Variants in HDHD2 observed in about 807,000 individuals in gnomAD.
HDHD2 encodes the protein haloacid dehalogenase-like hydrolase domain-containing protein 2.
Under a neutral mutation model 24.8 loss-of-function variants are expected in HDHD2, and 26 were observed. The ratio of observed to expected loss-of-function variants is 1.05; its 90% CI spans 0.77 to 1.45. The LOEUF (loss-of-function observed/expected upper bound fraction) is 1.45. Ranked by LOEUF, HDHD2 falls within the 40% of genes most tolerant of loss-of-function variation. The pLI, the probability that HDHD2 is intolerant of heterozygous loss-of-function variation, is 0.00. For synonymous variants in HDHD2, 128 were observed against 114.9 expected (o/e 1.11, Z -0.73); for missense variants, 299 against 313.4 (o/e 0.95, Z 0.35).
At chr18:47,113,750 G>GT (rs926241215) in intron 5 of HDHD2, among the ~76,000 whole-genome samples, 92 of 147,528 alleles carry the variant, frequency 6.2e-4, no homozygotes, top group African/African-American at 1.2e-3. Flanking sequence ...CCTGAAGAAA[G>GT]TTTTTTTTTT....
intron 4 of HDHD2, among the ~76,000 whole-genome samples, chr18:47,119,046 G>C (rs1413161859): frequency 1.3e-5 from 2 of 152,222 alleles, no homozygotes; most frequent in African/African-American, 4.8e-5. Flanking sequence ...AAGTATGTGT[G>C]TTAATTTAAA....
chr18:47,119,303 C>G (rs537011966), intron 4 of HDHD2, among the ~76,000 whole-genome samples: 1 of 152,304 alleles, frequency 6.6e-6, no homozygotes, highest in South Asian at 2.1e-4. Flanking sequence ...GTATTCACAA[C>G]AGAAACTCTT....
At chr18:47,111,621 C>T (rs1225058949) in intron 6 of HDHD2, 5 of 985,134 alleles carry the variant, frequency 5.1e-6, no homozygotes, top group South Asian at 4.7e-5. Flanking sequence ...CTGAGACATT[C>T]GAAAAAATCC....
intron 3 of HDHD2, among the ~76,000 whole-genome samples, chr18:47,131,347 C>G (rs1599946567): frequency 6.6e-6 from 1 of 152,196 alleles, no homozygotes; most frequent in Non-Finnish European, 1.5e-5. Flanking sequence ...CTATTTGCCT[C>G]TCTTATTGGC....
intron 3 of HDHD2, among the ~76,000 whole-genome samples, chr18:47,132,395 G>A (rs1206965927): frequency 6.6e-6 from 1 of 152,142 alleles, no homozygotes; most frequent in Non-Finnish European, 1.5e-5. Context: ...AAATAAGGTA[G>A]TAATGAATAA....
intron 2 of HDHD2, among the ~76,000 whole-genome samples, chr18:47,135,322 C>G (rs984153896): frequency 1.4e-5 from 2 of 145,382 alleles, no homozygotes; most frequent in Non-Finnish European, 3.0e-5. Context: ...AGTGCAATGG[C>G]ACGATCTCAG....
chr18:47,147,422 C>A (rs1306342492), intron 1 of HDHD2, among the ~76,000 whole-genome samples: 1 of 152,128 alleles, frequency 6.6e-6, no homozygotes, highest in African/African-American at 2.4e-5. Flanking sequence ...CATCAAAAGA[C>A]TAGACCGTTC....
intron 6 of HDHD2, among the ~76,000 whole-genome samples, 199 bp downstream of exon 6, chr18:47,112,778 A>G (rs2063525593): frequency 6.6e-6 from 1 of 152,200 alleles, no homozygotes; most frequent in Admixed American, 6.5e-5. Context: ...AGTACCTCTG[A>G]GCCCTGATCT....
chr18:47,124,706 CAAAAAAAAA>C (rs34350751), intron 4 of HDHD2, among the ~76,000 whole-genome samples: 1 of 43,370 alleles, frequency 2.3e-5, no homozygotes, highest in African/African-American at 9.9e-5. Flanking sequence ...AACTCTGACT[CAAAAAAAAA>C]AAAAAAAAAA....
chr18:47,129,870 T>TG (rs2063696188), intron 4 of HDHD2, among the ~76,000 whole-genome samples: 1 of 152,130 alleles, frequency 6.6e-6, no homozygotes, highest in South Asian at 2.1e-4. Flanking sequence ...GCCCAAGAGT[T>TG]GGAGACCTCC....
chr18:47,114,664 T>G (rs2063542973), intron 5 of HDHD2, among the ~76,000 whole-genome samples: 1 of 152,072 alleles, frequency 6.6e-6, no homozygotes, highest in Admixed American at 6.5e-5. Context: ...GATCAATAGC[T>G]TTAGCTATTT....
At chr18:47,115,041 A>T (rs1011798148) in intron 5 of HDHD2, 91 bp downstream of exon 5, 1 of 859,952 alleles carries the variant, frequency 1.2e-6, no homozygotes, top group African/African-American at 1.7e-5. Flanking sequence ...TGTCAGTAAC[A>T]GAATGTCCCC....
rs756252747 is a variant in HDHD2 at position 47,108,747 on chromosome 18, G to C, written c.715C>G (p.Pro239Ala). ...RASDEEKINP[P>A]PYLTCESFPH... is the part of the protein sequence containing the mutation. ...AAACTCTCACAAGTTAAGTAAGGAG[G>C]TGGATTAATTTTTTCTTCATCTGAT... Residue 239 changes from proline (P) to alanine (A), a missense_variant, in exon 7 of 7, where the codon CCT (proline) becomes GCT (alanine). Coordinates refer to ENST00000300605, the MANE Select transcript of HDHD2 (RefSeq NM_032124.5). 6.2e-7 allele frequency: 1 copy of C among 1,611,302 alleles called. No homozygotes were observed. Among genetic ancestry groups the C allele is most frequent in the Non-Finnish European group, 8.5e-7 (1 of 1,177,924 alleles).
At position 47,131,568 on chromosome 18, in the gene HDHD2, G is replaced by A. The variant is rs560972512; in HGVS notation, c.311-1240C>T. Reference sequence around the variant, plus strand: ...GTCATTACTTTAGGCTTTTCCAGTGGAAGATTACATAATATGTATTATTTA... The same window carrying A: ...GTCATTACTTTAGGCTTTTCCAGTGAAAGATTACATAATATGTATTATTTA... On this transcript the variant is annotated intron_variant, in intron 3 of 6. Coordinates refer to ENST00000300605, the MANE Select transcript of HDHD2 (RefSeq NM_032124.5). 9.7e-4 allele frequency among the ~76,000 whole-genome samples: 148 copies of A among 152,238 alleles called. 1 individual carries two copies. The highest frequency in any genetic ancestry group is 3.4e-3 in the African/African-American group (142 of 41,546).
At chr18:47,132,652 T>C (rs2063724058) in intron 3 of HDHD2, among the ~76,000 whole-genome samples, 1 of 152,246 alleles carries the variant, frequency 6.6e-6, no homozygotes, top group East Asian at 1.9e-4. Context: ...CTATTAGTAC[T>C]AGTTTTGAGG....
intron 4 of HDHD2, among the ~76,000 whole-genome samples, chr18:47,128,184 T>C (rs560580311): frequency 5.3e-4 from 80 of 152,320 alleles, no homozygotes; most frequent in African/African-American, 1.8e-3. Context: ...GTTAGGAAAG[T>C]GTACTAATTA....
At position 47,125,002 on chromosome 18, in the gene HDHD2, C is replaced by T. The variant is rs954107957; in HGVS notation, c.395+5242G>A. Among the ~76,000 whole-genome samples the T allele has an allele frequency of 5.3e-5, 8 of 151,914 alleles. No homozygotes were observed. In the South Asian group the frequency reaches 8.3e-4, roughly 16 times the overall value. On this transcript the variant is annotated intron_variant, in intron 4 of 6. Transcript: ENST00000300605. ...ACACAGCAAAACCCCACTACAAAAA[C>T]GAATTAAAAATTAGCCAGGTGTAGT...
chr18:47,135,032 A>AT (rs59078935), intron 2 of HDHD2, among the ~76,000 whole-genome samples: 31 of 150,372 alleles, frequency 2.1e-4, no homozygotes, highest in Non-Finnish European at 3.3e-4. Context: ...CGTGCAACAG[A>AT]TTTTTTTTTT....
chr18:47,113,919 A>G (rs951378300), intron 5 of HDHD2, among the ~76,000 whole-genome samples: 2 of 152,104 alleles, frequency 1.3e-5, no homozygotes, highest in Non-Finnish European at 2.9e-5. Flanking sequence ...GGAGGTGGGA[A>G]AAAGAATGTG....
Sources: allele counts gnomAD v4.1 joint callset (sites outside exome capture counted in the v4.1 genomes callset), GRCh38; gene constraint gnomAD v4.1.1; transcripts MANE v1.5; gene names NCBI Gene and HGNC (gene_info 2026-07-23, HGNC 2026-07-21).